MED1: variants seen among roughly 807,000 people sequenced by gnomAD.
MED1 encodes mediator complex subunit 1, also known as mediator of RNA polymerase II transcription subunit 1.
Under a neutral mutation model 121.3 loss-of-function variants are expected in MED1, and 17 were observed. The ratio of observed to expected loss-of-function variants is 0.14; its 90% CI spans 0.10 to 0.21. MED1 has a LOEUF of 0.21. MED1 is among the 10% of genes least tolerant of loss of function. The pLI, the probability that MED1 is intolerant of heterozygous loss-of-function variation, is 1.00. For missense variants in MED1, 1,558 were observed against 1,919.4 expected (o/e 0.81, Z 3.52); for synonymous variants, 661 against 694.4 (o/e 0.95, Z 0.76).
rs574752675 is a variant in MED1, at chr17:39,415,779, T to C, written c.1298-440A>G. Among the ~76,000 whole-genome samples, 866 of 132,952 alleles carry C rather than the reference T, an allele frequency of 6.5e-3. 15 individuals carry two copies. The highest frequency in any genetic ancestry group is 0.024 in the African/African-American group (826 of 34,578). 87.2% of individuals were successfully genotyped at this position (132,952 alleles called of 152,430 possible). ...TTGTAGTGAGCTGAGATCGTGCCAC[T>C]GCACTCCAGCCTGGGCAAGAGTAAG... is the stretch of plus-strand genomic sequence containing the variant. On this transcript the variant is annotated intron_variant, in intron 14 of 16. Transcript: ENST00000300651.
chr17:39,423,048 G>A (rs1013196354), intron 13 of MED1, among the ~76,000 whole-genome samples: 3 of 151,358 alleles, frequency 2.0e-5, no homozygotes, highest in African/African-American at 7.3e-5. Flanking sequence ...TGTATTTTTA[G>A]TAGAGACAGG....
chr17:39,410,296 T>C lies in MED1; in HGVS notation c.1925A>G (p.His642Arg). 6.2e-7 allele frequency: 1 copy of C among 1,613,680 alleles called. No homozygotes were observed. The highest frequency in any genetic ancestry group is 1.3e-5 in the African/African-American group (1 of 74,830). The change falls in exon 17 of 17, where the codon CAC becomes CGC. Residue 642 changes from histidine (H) to arginine (R), a missense_variant. Physicochemically the swap from His to Arg is conservative, Grantham distance 29. Around this residue, in one of 5 missense-constraint regions of MED1, gnomAD observed 793 missense variants for 898.2 expected, o/e 0.88. Coordinates refer to ENST00000300651, the MANE Select transcript of MED1 (RefSeq NM_004774.4). ...VSSMAGNTKNHPMLMNLLKDN... is the reference protein window; with the variant it reads ...VSSMAGNTKNRPMLMNLLKDN... ...TTTAAGAAGGTTCATGAGCATCGGG[T>C]GGTTCTTGGTGTTGCCGGCCATCGA...
intron 14 of MED1, among the ~76,000 whole-genome samples, chr17:39,419,037 G>C (rs933279959): frequency 6.6e-6 from 1 of 151,912 alleles, no homozygotes; most frequent in African/African-American, 2.4e-5. Context: ...TGCCCACCTC[G>C]GCCTCCCAAA....
Position 39,440,282 on chromosome 17 carries a change from T to A in MED1, c.399+104A>T, listed in dbSNP as rs72825188. 0.07 allele frequency: 85,505 copies of A among 1,224,568 alleles called. 3,422 individuals carry two copies. Among genetic ancestry groups the A allele is most frequent in the Non-Finnish European group, 0.082 (73,298 of 898,150 alleles). The allele number at this position is 1,224,568 out of a possible 1,614,324, so 75.9% of individuals were successfully genotyped here. On this transcript the variant is annotated intron_variant, in intron 5 of 16. Coordinates refer to ENST00000300651, the MANE Select transcript of MED1 (RefSeq NM_004774.4). This position sits in a 1 kb window ranked among gnomAD's most constrained non-coding sequence, Gnocchi z 4.1. ...ATCACATCATCTCTACAGTGGCTCA[T>A]GGAAAAACCTAAACCCAAGCTATTT...
At chr17:39,426,793 C>T (rs547754883) in intron 10 of MED1, among the ~76,000 whole-genome samples, 137 of 152,278 alleles carry the variant, frequency 9.0e-4, no homozygotes, top group African/African-American at 3.1e-3. Context: ...CTCAGCCTCC[C>T]AAAGTGCTGG....
intron 6 of MED1, among the ~76,000 whole-genome samples, chr17:39,437,530 G>A (rs757105230): frequency 2.6e-5 from 4 of 152,070 alleles, no homozygotes; most frequent in Non-Finnish European, 5.9e-5. Flanking sequence ...CAGGCCACCC[G>A]GGAGCAAAGA....
At chr17:39,439,303 A>T in intron 5 of MED1, 110 bp from the exon 6 acceptor site, 2 of 753,010 alleles carry the variant, frequency 2.7e-6, no homozygotes, top group Non-Finnish European at 4.2e-6. Context: ...AAAACCATTA[A>T]AACTACAGAT....
At chr17:39,447,708 G>A in intron 2 of MED1, 90 bp downstream of exon 2, 1 of 870,922 alleles carries the variant, frequency 1.1e-6, no homozygotes, top group Non-Finnish European at 1.8e-6. Context: ...GTTTTATGAA[G>A]ATAGTATGAA....
chr17:39,414,949 T>G, intron 16 of MED1, 77 bp downstream of exon 16: 2 of 1,317,972 alleles, frequency 1.5e-6, no homozygotes, highest in Non-Finnish European at 1.1e-6. Context: ...ATTACAGGCG[T>G]GAGCCACCGC....
chr17:39,407,937 A>G lies in MED1; in HGVS notation c.4284T>C (p.Ser1428=), dbSNP rs557172626. Residue 1428 remains serine, a synonymous_variant, in exon 17 of 17, where the codon TCT becomes TCC. Coordinates refer to ENST00000300651, the MANE Select transcript of MED1 (RefSeq NM_004774.4). ...TGATGAGTGGAGAGCCATAGTTTTT[A>G]GAAGAAGCCATTTGAGGCCTAAGCC... is the stretch of plus-strand genomic sequence containing the variant. The part of the protein sequence containing the change: ...GEGLRPQMAS[S]KNYGSPLISG... The G allele has an allele frequency of 1.9e-5, 30 of 1,614,076 alleles. No homozygotes were observed. In the East Asian group the frequency reaches 6.0e-4, roughly 32 times the overall value.
intron 5 of MED1, among the ~76,000 whole-genome samples, chr17:39,439,851 T>C (rs1001549156): frequency 1.3e-5 from 2 of 151,112 alleles, no homozygotes; most frequent in African/African-American, 2.4e-5. Context: ...GGCAGGAGAA[T>C]TGCTTGAATC....
intron 13 of MED1, among the ~76,000 whole-genome samples, chr17:39,421,168 T>A (rs1224854531): frequency 6.7e-6 from 1 of 150,246 alleles, no homozygotes. Flanking sequence ...GAAGAATCGC[T>A]TGAACCTGGG....
In MED1 at chr17:39,420,987, G is replaced by C. The variant is rs550607647; in HGVS notation, c.1096-1069C>G. 1.4e-3 allele frequency among the ~76,000 whole-genome samples: 212 copies of C among 151,482 alleles called. 3 individuals carry two copies. The highest frequency in any genetic ancestry group is 2.5e-3 in the South Asian group (12 of 4,790). On this transcript the variant is annotated intron_variant, in intron 13 of 16. Transcript: ENST00000300651. The stretch of plus-strand genomic sequence containing the variant: ...ATTTTTTGTGTTTTTTAGTAGTGAC[G>C]GGGTTTCACCATGTTGGCCAGGATG...
At chr17:39,438,404 C>T (rs1282870838) in intron 6 of MED1, among the ~76,000 whole-genome samples, 1 of 143,974 alleles carries the variant, frequency 6.9e-6, no homozygotes, top group Non-Finnish European at 1.5e-5. Flanking sequence ...AGTGCAGTGG[C>T]GAGATCTCAG....
chr17:39,441,992 A>G lies in MED1; in HGVS notation c.212-1315T>C, dbSNP rs549712756. On this transcript the variant is annotated intron_variant, in intron 3 of 16. Transcript: ENST00000300651. ...GTAATGGGCGCCTGTAATCCCAGTT[A>G]CTCAGGAGGCTGAGGCAGAACAATC... 9.0e-4 allele frequency among the ~76,000 whole-genome samples: 133 copies of G among 148,530 alleles called. 1 individual carries two copies. Among genetic ancestry groups the G allele is most frequent in the Non-Finnish European group, 1.7e-3 (117 of 67,288 alleles).
chr17:39,412,859 T>C (rs1039111116), intron 16 of MED1, among the ~76,000 whole-genome samples: 2 of 152,202 alleles, frequency 1.3e-5, no homozygotes, highest in East Asian at 3.9e-4. Flanking sequence ...TAAGGCCATA[T>C]AGTAATCCGT....
chr17:39,431,056 G>A (rs1398068830), intron 9 of MED1, 59 bp downstream of exon 9: 3 of 1,411,480 alleles, frequency 2.1e-6, no homozygotes, highest in Non-Finnish European at 3.0e-6. Context: ...GAAATGAAAA[G>A]TAATGACCCT....
chr17:39,447,808 C>T lies in MED1; in HGVS notation c.122G>A (p.Arg41His), dbSNP rs141590722. 19 of 1,611,352 alleles carry T rather than the reference C, an allele frequency of 1.2e-5. No individual in the cohort carries two copies. Among genetic ancestry groups the T allele is most frequent in the South Asian group, 5.5e-5 (5 of 90,866 alleles). The stretch of plus-strand genomic sequence containing the variant: ...CACCACAATCCTTACCATGACTTGA[C>T]GCACAAGCTTAATGGTTTCACTCCA... ...RPWSETIKLV[R>H]QVMEKRVVMS... is the part of the protein sequence containing the mutation. Residue 41 changes from arginine (R) to histidine (H), a missense_variant, in exon 2 of 17, where the codon CGT (arginine) becomes CAT (histidine). By Grantham distance (29) the Arg-to-His change is conservative. Transcript: ENST00000300651.
chr17:39,422,722 G>T (rs534600508), intron 13 of MED1, among the ~76,000 whole-genome samples: 1 of 151,374 alleles, frequency 6.6e-6, no homozygotes, highest in African/African-American at 2.4e-5. Flanking sequence ...GTGACCACCC[G>T]CCTTGGCCTC....
Sources: gnomAD v4.1 joint callset for allele counts (sites outside exome capture counted in the v4.1 genomes callset) on GRCh38, gnomAD v4.1.1 for gene constraint, gnomAD v4.1.1 regional missense constraint, Gnocchi (gnomAD v3.1) non-coding constraint, MANE v1.5 for transcripts, NCBI Gene and HGNC (gene_info 2026-07-23, HGNC 2026-07-21) for gene names.